Variants in RBM4 observed in about 807,000 individuals in gnomAD.
The protein encoded by RBM4 is RNA binding motif protein 4.
A neutral mutation model predicts 29.5 loss-of-function variants in RBM4; 7 were observed. That is an observed-to-expected ratio of 0.24 (90% CI 0.14 to 0.45). The LOEUF (loss-of-function observed/expected upper bound fraction) is 0.45. RBM4 is among the 20% of genes least tolerant of loss of function. The pLI is 1.00. For missense variants in RBM4, 387 were observed against 502.3 expected, an observed-to-expected ratio of 0.77 and a Z score of 2.19; for synonymous variants, 220 against 205.4, an observed-to-expected ratio of 1.07 and a Z score of -0.61.
downstream of RBM4, among the ~76,000 whole-genome samples, chr11:66,651,338 A>G (rs1245019462): frequency 6.6e-6 from 1 of 151,830 alleles, no homozygotes; most frequent in Non-Finnish European, 1.5e-5. Context: ...AGGTTGTAGC[A>G]AGAGAAAGTA....
intron 2 of RBM4, among the ~76,000 whole-genome samples, chr11:66,658,748 C>G (rs1939011592): frequency 1.3e-5 from 2 of 151,926 alleles, no homozygotes; most frequent in Admixed American, 1.3e-4. Context: ...ACCAGCCTGG[C>G]CAAGGTGGTG....
chr11:66,647,389 A>G (rs767888726), downstream of RBM4, among the ~76,000 whole-genome samples: 3 of 152,200 alleles, frequency 2.0e-5, no homozygotes, highest in Non-Finnish European at 4.4e-5. Context: ...CTAATCATAG[A>G]TGACCAAGAT....
At chr11:66,658,981 C>G (rs1309334510) in intron 2 of RBM4, among the ~76,000 whole-genome samples, 1 of 150,142 alleles carries the variant, frequency 6.7e-6, no homozygotes, top group East Asian at 1.9e-4. Flanking sequence ...TTTTAATGCT[C>G]ATTATATGTT....
At chr11:66,640,538 A>G (rs1319774514) in intron 2 of RBM4, 20 of 343,096 alleles carry the variant, frequency 5.8e-5, no homozygotes, top group Middle Eastern at 7.9e-4. Context: ...AAACATGTCA[A>G]GCGACACTTA....
At chr11:66,662,301 C>T (rs1345293076) in intron 2 of RBM4, among the ~76,000 whole-genome samples, 4 of 152,192 alleles carry the variant, frequency 2.6e-5, no homozygotes, top group African/African-American at 9.7e-5. Flanking sequence ...TGGAACACTT[C>T]CATCACTGCC....
chr11:66,668,109 C>G (rs1337220826), exon 3 of RBM4: 1 of 159,864 alleles, frequency 6.3e-6, no homozygotes, highest in Non-Finnish European at 1.4e-5. Flanking sequence ...CAGCTTACCA[C>G]TACAGTACTT....
chr11:66,644,611 G>C (rs142627717), intron 3 of RBM4: 1 of 849,812 alleles, frequency 1.2e-6, no homozygotes, highest in Non-Finnish European at 1.4e-6. Flanking sequence ...CATAACTGTA[G>C]TTAACTGGTC....
At chr11:66,651,125 G>T (rs190021481), downstream of RBM4, among the ~76,000 whole-genome samples, 1,301 of 152,220 alleles carry the variant, frequency 8.5e-3, 17 homozygotes, top group Non-Finnish European at 8.5e-3. Context: ...GTAGACTCGG[G>T]GGGGGATGGA....
chr11:66,655,921 C>A (rs1342373991), intron 2 of RBM4, among the ~76,000 whole-genome samples: 2 of 151,952 alleles, frequency 1.3e-5, no homozygotes, highest in Non-Finnish European at 2.9e-5. Flanking sequence ...AACACCCTTT[C>A]AACCCAGTTT....
intron 2 of RBM4, among the ~76,000 whole-genome samples, chr11:66,653,183 C>G (rs1201302517): frequency 6.6e-6 from 1 of 152,106 alleles, no homozygotes; most frequent in African/African-American, 2.4e-5. Flanking sequence ...TTCCTTTGTA[C>G]AGTTGACCAT....
chr11:66,643,880 A>C lies in RBM4; in HGVS notation c.843A>C (p.Gly281=), dbSNP rs971134532. Residue 281 remains glycine, a synonymous_variant, in exon 3 of 4, where the codon GGA becomes GGC. Transcript: ENST00000310092. The surrounding 1 kb of genome is among the most constrained non-coding windows in gnomAD (Gnocchi z 6.1). The part of the protein sequence containing the change: ...PYDRHLLPTS[G]AAATAAAAAA... ...ATAGACACCTGTTGCCGACCTCAGG[A>C]GCTGCTGCCACAGCTGCTGCTGCAG... 2.4e-5 allele frequency: 38 copies of C among 1,613,370 alleles called. No homozygotes were observed. The highest frequency in any genetic ancestry group is 1.6e-4 in the Middle Eastern group (1 of 6,082).
chr11:66,652,442 C>T (rs1938853151), intron 2 of RBM4: 1 of 152,146 alleles, frequency 6.6e-6, no homozygotes, highest in Admixed American at 6.5e-5. Context: ...ACATCTTATT[C>T]AGAAATAAAG....
At chr11:66,645,206 C>G (rs1445849691) in intron 3 of RBM4, among the ~76,000 whole-genome samples, 1 of 152,118 alleles carries the variant, frequency 6.6e-6, no homozygotes, top group Non-Finnish European at 1.5e-5. Flanking sequence ...CCATTTGGCT[C>G]TCCTTGAATA....
downstream of RBM4, among the ~76,000 whole-genome samples, chr11:66,649,239 A>G (rs1240020182): frequency 6.6e-6 from 1 of 152,162 alleles, no homozygotes; most frequent in South Asian, 2.1e-4. Context: ...CCTGGACTCA[A>G]GTGATCCGCC....
chr11:66,648,065 G>C (rs1938742842), downstream of RBM4, among the ~76,000 whole-genome samples: 1 of 152,032 alleles, frequency 6.6e-6, no homozygotes, highest in African/African-American at 2.4e-5. Flanking sequence ...AATTAGCTGG[G>C]TGTGGTGGCA....
At chr11:66,658,107 C>T (rs1159811812) in intron 2 of RBM4, among the ~76,000 whole-genome samples, 2 of 151,736 alleles carry the variant, frequency 1.3e-5, no homozygotes, top group African/African-American at 4.8e-5. Flanking sequence ...CGGCTCAGTG[C>T]AACCTCTGCC....
At chr11:66,651,781 G>A (rs1387231655) in intron 2 of RBM4, among the ~76,000 whole-genome samples, 1 of 152,172 alleles carries the variant, frequency 6.6e-6, no homozygotes, top group Admixed American at 6.5e-5. Context: ...CGTGGCAGAC[G>A]TGGTGTCTGG....
chr11:66,652,720 T>G (rs985581722), intron 2 of RBM4, among the ~76,000 whole-genome samples: 1 of 152,034 alleles, frequency 6.6e-6, no homozygotes, highest in South Asian at 2.1e-4. Flanking sequence ...CAAAATTGGG[T>G]TGGTTTCGGG....
At chr11:66,657,228 T>G (rs976564701) in intron 2 of RBM4, among the ~76,000 whole-genome samples, 29 of 147,884 alleles carry the variant, frequency 2.0e-4, no homozygotes, top group African/African-American at 7.2e-4. Context: ...GGTCTTCCCA[T>G]CTCAACCTTC....
Sources: gnomAD v4.1 joint callset for allele counts (sites outside exome capture counted in the v4.1 genomes callset) on GRCh38, gnomAD v4.1.1 for gene constraint, Gnocchi (gnomAD v3.1) non-coding constraint, MANE v1.5 for transcripts, NCBI Gene and HGNC (gene_info 2026-07-23, HGNC 2026-07-21) for gene names.